SPAG5: variants seen among roughly 807,000 people sequenced by gnomAD.
SPAG5 encodes the protein sperm-associated antigen 5.
In SPAG5, 99 loss-of-function variants were observed where a neutral mutation model predicts 145.4. That is an observed-to-expected ratio of 0.68 (90% confidence interval 0.58 to 0.80). The LOEUF (loss-of-function observed/expected upper bound fraction) is 0.80. Among genes scored for constraint, SPAG5 ranks in the 30% least tolerant of loss-of-function variants. The probability of loss-of-function intolerance (pLI) is 0.00; values close to 1 mark genes in which losing one functional copy is unlikely to be tolerated. For missense variants in SPAG5, 1,192 were observed against 1,416.0 expected (o/e 0.84, Z 2.54); for synonymous variants, 477 against 525.4 (o/e 0.91, Z 1.26).
At position 28,585,300 on chromosome 17, in the gene SPAG5, G is replaced by T; in HGVS notation, c.1953+19C>A. On this transcript the variant is annotated intron_variant, in intron 9 of 23. Coordinates refer to ENST00000321765, the MANE Select transcript of SPAG5 (RefSeq NM_006461.4). ...TTGATGTGAGTAAGGAATTAGTTATGATGGTCCCAAATACTCACATCCAGT... is the reference window on the plus strand; with the variant it reads ...TTGATGTGAGTAAGGAATTAGTTATTATGGTCCCAAATACTCACATCCAGT... 1 of 1,611,844 alleles carries T rather than the reference G, an allele frequency of 6.2e-7. No homozygotes were observed. The highest frequency in any genetic ancestry group is 8.5e-7 in the Non-Finnish European group (1 of 1,177,850).
At position 28,593,022 on chromosome 17, in the gene SPAG5, C is replaced by T; in HGVS notation, c.222G>A (p.Lys74=). 6.2e-7 allele frequency: 1 copy of T among 1,614,136 alleles called. No homozygotes were observed. Among genetic ancestry groups the T allele is most frequent in the Non-Finnish European group, 8.5e-7 (1 of 1,180,008 alleles). Residue 74 remains lysine (K), a synonymous_variant, in exon 3 of 24, where the codon AAG becomes AAA. Coordinates refer to ENST00000321765, the MANE Select transcript of SPAG5 (RefSeq NM_006461.4). ...AATGTTCTGAAGATAAGTCTGTCCTCTTGTTATTTACAAAATCCACTGGAG... is the reference window on the plus strand; with the variant it reads ...AATGTTCTGAAGATAAGTCTGTCCTTTTGTTATTTACAAAATCCACTGGAG... ...NSSPVDFVNN[K]RTDLSSEHFS...
intron 4 of SPAG5, among the ~76,000 whole-genome samples, chr17:28,587,133 G>T (rs1236843534): frequency 6.6e-6 from 1 of 151,912 alleles, no homozygotes; most frequent in Non-Finnish European, 1.5e-5. Flanking sequence ...TCTTTGTTTA[G>T]CCAGGCACAG....
chr17:28,586,029 G>GTTCC, intron 6 of SPAG5, 31 bp from the exon 7 acceptor site: 1 of 1,614,126 alleles, frequency 6.2e-7, no homozygotes, highest in Non-Finnish European at 8.5e-7. Context: ...AATGTGTCTG[G>GTTCC]TTCCTCTTTA....
In SPAG5 at chr17:28,591,969, T is replaced by A; in HGVS notation, c.1262+13A>T. 6.2e-7 allele frequency: 1 copy of A among 1,612,902 alleles called. No individual in the cohort carries two copies. Among genetic ancestry groups the A allele is most frequent in the Non-Finnish European group, 8.5e-7 (1 of 1,179,198 alleles). On this transcript the variant is annotated intron_variant, in intron 3 of 23. Coordinates refer to ENST00000321765, the MANE Select transcript of SPAG5 (RefSeq NM_006461.4). ...ATGGAACTCACGAGGTGCAAGGACA[T>A]AGGGGCGCTTACCCACACAGGAGCT...
At position 28,578,439 on chromosome 17, in the gene SPAG5, C is replaced by G; in HGVS notation, c.3288G>C (p.Gln1096His). The G allele has an allele frequency of 6.2e-7, 1 of 1,614,106 alleles. No individual in the cohort carries two copies. The highest frequency in any genetic ancestry group is 8.5e-7 in the Non-Finnish European group (1 of 1,180,032). Residue 1096 changes from glutamine to histidine, a missense_variant, in exon 21 of 24, where the codon CAG (glutamine) becomes CAC (histidine). Coordinates refer to ENST00000321765, the MANE Select transcript of SPAG5 (RefSeq NM_006461.4). ...CCATAGGCTGGCAGTTGGAGTCCAG[C>G]TGGCCTGCCAGGGCCTCCTGGAGCA... ...TKVLQEALAG[Q>H]LDSNCQPMAT...
At position 28,578,115 on chromosome 17, in the gene SPAG5, G is replaced by A. The variant is rs868281286; in HGVS notation, c.3430-25C>T. On this transcript the variant is annotated intron_variant, in intron 22 of 23. Transcript: ENST00000321765. ...TCTAGAAAGCAAACAGATTTTATAA[G>A]TCCTATGCATAAAAGAGCAAACTTG... 4 of 1,611,562 alleles carry A rather than the reference G, an allele frequency of 2.5e-6. No homozygotes were observed. In the African/African-American group the frequency reaches 4.0e-5, roughly 16 times the overall value.
At chr17:28,590,887 A>AAAAAAAC (rs2070616725) in intron 4 of SPAG5, among the ~76,000 whole-genome samples, 2 of 150,988 alleles carry the variant, frequency 1.3e-5, no homozygotes, top group African/African-American at 2.4e-5. Flanking sequence ...AAAAAAAAAA[A>AAAAAAAC]AAAAAACTAA....
chr17:28,583,813 T>G (rs769805194), intron 14 of SPAG5, 40 bp downstream of exon 14: 1 of 1,582,142 alleles, frequency 6.3e-7, no homozygotes, highest in South Asian at 1.1e-5. Context: ...GAGAAAAAAA[T>G]AAGCACTTAG....
At chr17:28,597,889 G>GC (rs1320329497) in intron 2 of SPAG5, among the ~76,000 whole-genome samples, 1 of 152,204 alleles carries the variant, frequency 6.6e-6, no homozygotes, top group Non-Finnish European at 1.5e-5. Flanking sequence ...GAAAAGGATA[G>GC]CAATTTCTTC....
Position 28,583,852 on chromosome 17 carries a change from C to A in SPAG5, c.2546+1G>T. The A allele has an allele frequency of 6.2e-7, 1 of 1,607,332 alleles. No individual in the cohort carries two copies. The highest frequency in any genetic ancestry group is 1.7e-5 in the Admixed American group (1 of 59,364). On this transcript the variant is annotated splice_donor_variant, in intron 14 of 23. Transcript: ENST00000321765. LOFTEE classifies it high-confidence loss of function. ...GAAGTACAGAAAGTTAGAGAACTTA[C>A]GTTAGGTTCTCTACAGTGTCCTTGA...
Position 28,579,233 on chromosome 17 carries a change from G to T in SPAG5, c.3025C>A (p.Leu1009Met). 2.5e-6 allele frequency: 4 copies of T among 1,614,186 alleles called. No homozygotes were observed. The highest frequency in any genetic ancestry group is 3.4e-6 in the Non-Finnish European group (4 of 1,180,038). ...QRKICELQAR[L>M]QAQEEQHQEV... The stretch of plus-strand genomic sequence containing the variant: ...TGATGCTGTTCTTCCTGGGCCTGCA[G>T]CCTAGCTTGCAGCTCACAACTGAAG... Residue 1009 changes from leucine to methionine, a missense_variant, in exon 19 of 24, where the codon CTG (leucine) becomes ATG (methionine). Coordinates refer to ENST00000321765, the MANE Select transcript of SPAG5 (RefSeq NM_006461.4).
At chr17:28,579,555 T>C in intron 17 of SPAG5, 70 bp from the exon 18 acceptor site, 1 of 1,546,248 alleles carries the variant, frequency 6.5e-7, no homozygotes, top group East Asian at 2.2e-5. Context: ...TAGCCATCAT[T>C]TCCACAACTC....
Position 28,591,973 on chromosome 17 carries a change from G to T in SPAG5, c.1262+9C>A, listed in dbSNP as rs1236731032. ...AACTCACGAGGTGCAAGGACATAGG[G>T]GCGCTTACCCACACAGGAGCTGCTC... On this transcript the variant is annotated intron_variant, in intron 3 of 23. Coordinates refer to ENST00000321765, the MANE Select transcript of SPAG5 (RefSeq NM_006461.4). The T allele has an allele frequency of 1.9e-6, 3 of 1,613,162 alleles. No individual in the cohort carries two copies. The highest frequency in any genetic ancestry group is 1.3e-5 in the African/African-American group (1 of 74,884).
chr17:28,592,387 G>C lies in SPAG5; in HGVS notation c.857C>G (p.Pro286Arg), dbSNP rs773690911. The change falls in exon 3 of 24, where the codon CCT becomes CGT. Residue 286 changes from proline (P) to arginine (R), a missense_variant. Coordinates refer to ENST00000321765, the MANE Select transcript of SPAG5 (RefSeq NM_006461.4). ...TTGATCTTCTGTTTCAGACTCCTTA[G>C]GATGTGTGGGAAACCTCATTTCTCT... Reference protein sequence around the residue: ...EEREMRFPTHPKESETEDQAL... With the variant: ...EEREMRFPTHRKESETEDQAL... 1.2e-6 allele frequency: 2 copies of C among 1,613,988 alleles called. No individual in the cohort carries two copies. The highest frequency in any genetic ancestry group is 1.7e-5 in the Admixed American group (1 of 60,004).
chr17:28,596,670 A>AAATT (rs199501465), intron 2 of SPAG5, among the ~76,000 whole-genome samples: 6 of 152,178 alleles, frequency 3.9e-5, no homozygotes, highest in South Asian at 2.1e-4. Context: ...CTGCATCTCA[A>AAATT]AATTAATTAA....
chr17:28,585,502 A>G (rs762095007), intron 8 of SPAG5, 32 bp downstream of exon 8: 2 of 1,613,948 alleles, frequency 1.2e-6, no homozygotes, highest in East Asian at 4.5e-5. Flanking sequence ...CTGTCAGCAC[A>G]GACCCCAGGA....
intron 15 of SPAG5, among the ~76,000 whole-genome samples, chr17:28,581,642 C>T (rs917259231): frequency 6.1e-4 from 93 of 151,812 alleles, no homozygotes; most frequent in Non-Finnish European, 1.1e-3. Context: ...CCCTCTCCTC[C>T]TAGGCTAGGT....
In SPAG5 at chr17:28,592,056, C is replaced by A; in HGVS notation, c.1188G>T (p.Lys396Asn). Reference protein sequence around the residue: ...TWFTPSAPQEKSTNTSQTGLV... With the variant: ...TWFTPSAPQENSTNTSQTGLV... ...GGCCTGTCTGGGATGTGTTTGTACT[C>A]TTTTCCTGTGGTGCTGAAGGAGTAA... The change falls in exon 3 of 24, where the codon AAG becomes AAT. Residue 396 changes from lysine (K) to asparagine (N), a missense_variant. Physicochemically the swap from Lys to Asn is moderately conservative, Grantham distance 94. Transcript: ENST00000321765. 1 of 1,614,140 alleles carries A rather than the reference C, an allele frequency of 6.2e-7. No homozygotes were observed.
At chr17:28,584,565 G>A in intron 11 of SPAG5, 85 bp from the exon 12 acceptor site, 1 of 1,605,098 alleles carries the variant, frequency 6.2e-7, no homozygotes, top group Non-Finnish European at 8.5e-7. Context: ...GTGCTCCTGA[G>A]TACTTCCTTG....
Sources: gnomAD v4.1 joint callset for allele counts (sites outside exome capture counted in the v4.1 genomes callset) on GRCh38, gnomAD v4.1.1 for gene constraint, MANE v1.5 for transcripts, NCBI Gene and HGNC (gene_info 2026-07-23, HGNC 2026-07-21) for gene names.